The following CACNA1D variants were observed in gnomAD, a reference collection of about 807,000 sequenced individuals.
CACNA1D encodes the protein calcium voltage-gated channel subunit alpha1 D, also known as voltage-dependent L-type calcium channel subunit alpha-1D.
In CACNA1D, 55 loss-of-function variants were observed where a neutral mutation model predicts 257.1. The observed-to-expected ratio is 0.21, with a 90% CI of 0.17 to 0.27. CACNA1D has a LOEUF of 0.27. Ranked by LOEUF, CACNA1D falls within the 10% of genes least tolerant of loss-of-function variation. The probability of loss-of-function intolerance (pLI) is 1.00; values close to 1 mark genes in which losing one functional copy is unlikely to be tolerated. For missense variants in CACNA1D, 1,876 were observed against 2,784.0 expected (o/e 0.67, Z 7.34); for synonymous variants, 980 against 1,014.9 (o/e 0.97, Z 0.65).
chr3:53,610,469 A>G (rs990689922), intron 3 of CACNA1D, among the ~76,000 whole-genome samples: 2 of 152,168 alleles, frequency 1.3e-5, no homozygotes, highest in Non-Finnish European at 2.9e-5. Context: ...TGAACTGATG[A>G]CTTTATCATT....
At chr3:53,684,621 C>CAAAAAAAAAAA (rs60026644) in intron 8 of CACNA1D, among the ~76,000 whole-genome samples, 6 of 84,514 alleles carry the variant, frequency 7.1e-5, no homozygotes, top group Non-Finnish European at 1.2e-4. Context: ...GAAACTCTGT[C>CAAAAAAAAAAA]AAAAAAAAAA....
chr3:53,769,935 G>C, intron 30 of CACNA1D, 38 bp from the exon 31 acceptor site: 1 of 1,534,942 alleles, frequency 6.5e-7, no homozygotes, highest in Non-Finnish European at 9.0e-7. Flanking sequence ...ACTCCTTCCT[G>C]GTTCATTAAT....
intron 12 of CACNA1D, 58 bp downstream of exon 12, chr3:53,722,532 A>G (rs1312157186): frequency 5.8e-6 from 9 of 1,547,020 alleles, no homozygotes; most frequent in Non-Finnish European, 8.0e-6. Flanking sequence ...TGGCTGTCCA[A>G]CTGCCATTTG....
intron 9 of CACNA1D, among the ~76,000 whole-genome samples, chr3:53,708,200 T>C (rs1441450165): frequency 6.6e-6 from 1 of 152,266 alleles, no homozygotes; most frequent in African/African-American, 2.4e-5. Flanking sequence ...AGCAATTTGC[T>C]GGTCCTGTTT....
intron 29 of CACNA1D, among the ~76,000 whole-genome samples, chr3:53,760,782 A>G (rs781491162): frequency 1.3e-5 from 2 of 152,262 alleles, no homozygotes; most frequent in Non-Finnish European, 2.9e-5. Context: ...ACAAACAACC[A>G]GACAAAGCTG....
intron 3 of CACNA1D, among the ~76,000 whole-genome samples, chr3:53,571,904 C>G (rs1179300102): frequency 6.6e-6 from 1 of 152,140 alleles, no homozygotes. Flanking sequence ...CAAATCCTCT[C>G]TAAAGGAACA....
chr3:53,641,161 C>T (rs774078561), intron 3 of CACNA1D, among the ~76,000 whole-genome samples: 4 of 152,078 alleles, frequency 2.6e-5, no homozygotes, highest in Admixed American at 6.5e-5. Flanking sequence ...GCACTGTCCT[C>T]GCTGGACCCA....
At chr3:53,720,231 C>G (rs2094868008) in intron 11 of CACNA1D, among the ~76,000 whole-genome samples, 1 of 152,102 alleles carries the variant, frequency 6.6e-6, no homozygotes, top group Non-Finnish European at 1.5e-5. Flanking sequence ...CATTTTTCAA[C>G]AAAAACATTT....
At chr3:53,541,809 G>T (rs1279991177) in intron 3 of CACNA1D, among the ~76,000 whole-genome samples, 2 of 152,112 alleles carry the variant, frequency 1.3e-5, no homozygotes, top group African/African-American at 4.8e-5. Context: ...GAGTTGTGAT[G>T]TAGTGTATTT....
intron 3 of CACNA1D, among the ~76,000 whole-genome samples, chr3:53,566,311 G>A (rs1191889096): frequency 1.3e-5 from 2 of 152,054 alleles, no homozygotes; most frequent in Non-Finnish European, 2.9e-5. Context: ...TCTTCAGAAT[G>A]CCAGGCACCC....
intron 3 of CACNA1D, among the ~76,000 whole-genome samples, chr3:53,600,896 G>A (rs778954498): frequency 2.0e-4 from 30 of 152,220 alleles, no homozygotes; most frequent in South Asian, 4.2e-4. Flanking sequence ...ATAATCCTCC[G>A]TGATTCCCGT....
At chr3:53,655,634 C>T (rs75955252) in intron 4 of CACNA1D, among the ~76,000 whole-genome samples, 7,618 of 152,174 alleles carry the variant, frequency 0.05, 627 homozygotes, top group African/African-American at 0.17. Flanking sequence ...TCTTCATGTC[C>T]TTTGCTGACT....
chr3:53,751,066 A>G lies in CACNA1D; in HGVS notation c.3517-683A>G, dbSNP rs1408827399. Among the ~76,000 whole-genome samples, 3 of 152,188 alleles carry G rather than the reference A, an allele frequency of 2.0e-5. No homozygotes were observed. Among genetic ancestry groups the G allele is most frequent in the African/African-American group, 7.2e-5 (3 of 41,456 alleles). ...CCAGCTGGGCCCCAACCTGTGTTCA[A>G]TCCAGCTGTCACTACTGACCACATC... On this transcript the variant is annotated intron_variant, in intron 27 of 47. Transcript: ENST00000350061. This position sits in a 1 kb window ranked among gnomAD's most constrained non-coding sequence, Gnocchi z 4.3.
At chr3:53,733,930 T>TTTTG (rs2095026701) in intron 19 of CACNA1D, among the ~76,000 whole-genome samples, 1 of 134,034 alleles carries the variant, frequency 7.5e-6, no homozygotes, top group Admixed American at 7.5e-5. Flanking sequence ...GTGTGTGTGT[T>TTTTG]TGTGTGTGTG....
chr3:53,574,564 T>A (rs2093002964), intron 3 of CACNA1D, among the ~76,000 whole-genome samples: 1 of 152,234 alleles, frequency 6.6e-6, no homozygotes, highest in Non-Finnish European at 1.5e-5. Flanking sequence ...TAACCACTTC[T>A]TCTCACAAGC....
intron 3 of CACNA1D, among the ~76,000 whole-genome samples, chr3:53,638,200 C>T (rs1444567474): frequency 6.6e-6 from 1 of 152,196 alleles, no homozygotes; most frequent in African/African-American, 2.4e-5. Context: ...GATCTGGGCC[C>T]TCTTTCACCT....
intron 3 of CACNA1D, among the ~76,000 whole-genome samples, chr3:53,549,523 T>G (rs2092484875): frequency 6.6e-6 from 1 of 152,220 alleles, no homozygotes; most frequent in African/African-American, 2.4e-5. Flanking sequence ...GTAGGAAATC[T>G]GATGTGATTT....
intron 34 of CACNA1D, 25 bp from the exon 35 acceptor site, chr3:53,775,861 C>T (rs1338766498): frequency 1.9e-6 from 3 of 1,612,474 alleles, no homozygotes; most frequent in East Asian, 2.2e-5. Context: ...CCCACTAAAG[C>T]CCCTTTGTTC....
chr3:53,799,683 G>A (rs559451962), intron 40 of CACNA1D, among the ~76,000 whole-genome samples: 6 of 152,316 alleles, frequency 3.9e-5, no homozygotes, highest in East Asian at 3.9e-4. Flanking sequence ...GTCGTGGTCC[G>A]AGTGTGCTGG....
Sources: allele counts gnomAD v4.1 joint callset (sites outside exome capture counted in the v4.1 genomes callset), GRCh38; gene constraint gnomAD v4.1.1; non-coding constraint Gnocchi (gnomAD v3.1); transcripts MANE v1.5; gene names NCBI Gene and HGNC (gene_info 2026-07-23, HGNC 2026-07-21).